The following HYDIN variants were observed in gnomAD, a reference collection of about 807,000 sequenced individuals.
HYDIN encodes HYDIN axonemal central pair apparatus protein, also known as axonemal central pair apparatus protein HYDIN.
A neutral mutation model predicts 403.9 loss-of-function variants in HYDIN; 132 were observed. That is an observed-to-expected ratio of 0.33 (90% CI 0.28 to 0.38). HYDIN has a LOEUF of 0.38. HYDIN is among the 10% of genes least tolerant of loss of function. The pLI is 1.00. For synonymous variants in HYDIN, 1,202 were observed against 1,891.7 expected, an observed-to-expected ratio of 0.64 and a Z score of 9.46; for missense variants, 2,827 against 5,009.5, an observed-to-expected ratio of 0.56 and a Z score of 13.15.
chr16:71,098,653 A>G (rs867951311), intron 10 of HYDIN, among the ~76,000 whole-genome samples: 1 of 151,508 alleles, frequency 6.6e-6, no homozygotes. Context: ...AATTGCAAAT[A>G]TATCATGGAA....
chr16:70,925,591 A>G (rs2077128179), intron 45 of HYDIN, among the ~76,000 whole-genome samples: 1 of 152,136 alleles, frequency 6.6e-6, no homozygotes, highest in African/African-American at 2.4e-5. Context: ...AATGGCAACA[A>G]AAGACAAAAT....
intron 35 of HYDIN, among the ~76,000 whole-genome samples, chr16:70,972,685 T>C (rs2078766884): frequency 6.6e-6 from 1 of 152,212 alleles, no homozygotes; most frequent in Non-Finnish European, 1.5e-5. Context: ...CATTACAGGT[T>C]GACAATAAGT....
chr16:71,107,741 A>G (rs1270057117), intron 10 of HYDIN, among the ~76,000 whole-genome samples: 1 of 152,106 alleles, frequency 6.6e-6, no homozygotes, highest in Non-Finnish European at 1.5e-5. Flanking sequence ...AATTAGTTCA[A>G]CCATTATGGA....
At chr16:71,197,608 T>C (rs2087765891) in intron 1 of HYDIN, among the ~76,000 whole-genome samples, 1 of 152,212 alleles carries the variant, frequency 6.6e-6, no homozygotes, top group Non-Finnish European at 1.5e-5. Flanking sequence ...TGAACACCTG[T>C]ATAATAATCA....
chr16:70,892,585 C>T (rs137965466), intron 55 of HYDIN, 56 bp from the exon 56 acceptor site: 28,704 of 1,557,768 alleles, frequency 0.018, 261 homozygotes, highest in Non-Finnish European at 0.021. Flanking sequence ...ACTCAAGATC[C>T]CAGAGAGGAG....
Position 71,067,342 on chromosome 16 carries a change from C to A in HYDIN, c.2023G>T (p.Val675Leu), listed in dbSNP as rs755294769. The A allele has an allele frequency of 2.9e-5, 46 of 1,613,328 alleles. No individual in the cohort carries two copies. Among genetic ancestry groups the A allele is most frequent in the South Asian group, 8.8e-5 (8 of 91,022 alleles). The change falls in exon 15 of 86, where the codon GTG becomes TTG. Residue 675 changes from valine (V) to leucine (L), a missense_variant. Val to Leu is a conservative substitution (Grantham distance 32). Transcript: ENST00000393567. ...TCTTCTCCGATGCCCTCCACGTCCA[C>A]CACGAGTGCCAGCTCGTATTTCTGC... is the stretch of plus-strand genomic sequence containing the variant. ...TVQKYELALVVDVEGIGEEVL... is the reference protein window; with the variant it reads ...TVQKYELALVLDVEGIGEEVL...
rs1640654183 is a variant in HYDIN, at chr16:71,066,602, C to T, written c.2075+688G>A. The T allele has an allele frequency of 1.3e-5, 3 of 237,066 alleles. No individual in the cohort carries two copies. The South Asian group carries it at 1.6e-4, about 13-fold the overall frequency. 14.7% of individuals were successfully genotyped at this position (237,066 alleles called of 1,614,324 possible). A position where few individuals can be genotyped will look rare whatever the true frequency, so the allele number is the denominator to read the frequency against. ...TGATTGCTTTGGGAAGAGTGTGGCC[C>T]CAGGATTTTATTTGGGATCACATCA... On this transcript the variant is annotated intron_variant, in intron 15 of 85. Coordinates refer to ENST00000393567, the MANE Select transcript of HYDIN (RefSeq NM_001270974.2).
intron 18 of HYDIN, among the ~76,000 whole-genome samples, chr16:71,047,163 G>C (rs1338444840): frequency 6.6e-6 from 1 of 151,928 alleles, no homozygotes; most frequent in Non-Finnish European, 1.5e-5. Flanking sequence ...AGGAGACCAA[G>C]GTATTTTCCT....
chr16:70,999,168 G>C (rs1277083426), intron 23 of HYDIN, among the ~76,000 whole-genome samples: 1 of 152,188 alleles, frequency 6.6e-6, no homozygotes, highest in Non-Finnish European at 1.5e-5. Context: ...GTGGTTCTCA[G>C]TGTTGGCTGG....
At chr16:71,072,323 TGA>T (rs1374081581) in intron 13 of HYDIN, among the ~76,000 whole-genome samples, 1 of 149,174 alleles carries the variant, frequency 6.7e-6, no homozygotes, top group Admixed American at 6.7e-5. Flanking sequence ...AAGTGGGATG[TGA>T]GTCTCTGGAA....
Position 70,922,548 on chromosome 16 carries a change from T to C in HYDIN, c.7159-1331A>G, listed in dbSNP as rs939658702. On this transcript the variant is annotated intron_variant, in intron 45 of 85. Transcript: ENST00000393567. ...ACAGATGCAAAAGATCAATATGACA[T>C]AGAGCATGTACTCTGCGGATAGTTA... is the stretch of plus-strand genomic sequence containing the variant. 2.0e-4 allele frequency among the ~76,000 whole-genome samples: 31 copies of C among 152,012 alleles called. 1 individual carries two copies. Among genetic ancestry groups the C allele is most frequent in the African/African-American group, 7.5e-4 (31 of 41,386 alleles).
At chr16:71,089,708 A>G (rs895753547) in intron 11 of HYDIN, among the ~76,000 whole-genome samples, 1 of 152,184 alleles carries the variant, frequency 6.6e-6, no homozygotes, top group Non-Finnish European at 1.5e-5. Context: ...CCAGAGGACA[A>G]ATATTTAGGG....
intron 1 of HYDIN, among the ~76,000 whole-genome samples, chr16:71,187,649 AAAACAAAC>A (rs528485377): frequency 2.3e-4 from 35 of 152,156 alleles, no homozygotes; most frequent in Admixed American, 5.2e-4. Flanking sequence ...AAAACCATTA[AAAACAAAC>A]AAACAAACAA....
intron 52 of HYDIN, among the ~76,000 whole-genome samples, chr16:70,902,817 A>AT (rs2076423845): frequency 1.3e-4 from 2 of 15,650 alleles, no homozygotes; most frequent in African/African-American, 5.6e-4. Context: ...ATATATATAT[A>AT]TATATTTTTT....
chr16:71,221,452 A>C (rs1032143766), intron 1 of HYDIN, among the ~76,000 whole-genome samples: 17 of 152,040 alleles, frequency 1.1e-4, no homozygotes, highest in African/African-American at 3.6e-4. Flanking sequence ...TCCTTCTCTG[A>C]GGACCTCTCT....
At chr16:70,864,095 C>T (rs1417971701) in intron 67 of HYDIN, among the ~76,000 whole-genome samples, 1 of 152,082 alleles carries the variant, frequency 6.6e-6, no homozygotes, top group African/African-American at 2.4e-5. Flanking sequence ...CTTTGAGAGG[C>T]CAGGGCAGGT....
chr16:71,154,085 C>A (rs9932668), intron 6 of HYDIN, among the ~76,000 whole-genome samples: 5,948 of 134,612 alleles, frequency 0.044, 411 homozygotes, highest in African/African-American at 0.16. Context: ...AGATGATGAA[C>A]TCAGTTTCAG....
chr16:70,955,865 C>G (rs1324205972), intron 39 of HYDIN, among the ~76,000 whole-genome samples: 5 of 152,164 alleles, frequency 3.3e-5, no homozygotes, highest in Non-Finnish European at 5.9e-5. Context: ...GTCACCCAGG[C>G]TGGAGTGCAG....
chr16:70,961,864 C>T (rs879021542), intron 38 of HYDIN, 95 bp downstream of exon 38: 58 of 945,504 alleles, frequency 6.1e-5, no homozygotes, highest in Non-Finnish European at 7.6e-5. Context: ...AGGAGCCATA[C>T]GAGGAGGCTT....
Sources: allele counts gnomAD v4.1 joint callset (sites outside exome capture counted in the v4.1 genomes callset), GRCh38; gene constraint gnomAD v4.1.1; transcripts MANE v1.5; gene names NCBI Gene and HGNC (gene_info 2026-07-23, HGNC 2026-07-21).